REELD1: variants seen among roughly 807,000 people sequenced by gnomAD.
REELD1 encodes the protein reeler domain containing 1.
Under a neutral mutation model 6.3 loss-of-function variants are expected in REELD1, and 12 were observed. The observed-to-expected ratio is 1.89, with a 90% CI of 1.21 to 3.07. The LOEUF (loss-of-function observed/expected upper bound fraction) is 3.07, where lower values mean the gene tolerates loss of function less well. Among genes scored for constraint, REELD1 ranks in the 30% most tolerant of loss-of-function variants. The pLI, the probability that REELD1 is intolerant of heterozygous loss-of-function variation, is 0.00. For synonymous variants in REELD1, 57 were observed against 33.6 expected, an observed-to-expected ratio of 1.70 and a Z score of -2.42; for missense variants, 163 against 86.8, an observed-to-expected ratio of 1.88 and a Z score of -3.49.
chr4:146,223,204 G>A (rs1228513787), intron 4 of REELD1, among the ~76,000 whole-genome samples: 1 of 152,176 alleles, frequency 6.6e-6, no homozygotes, highest in Non-Finnish European at 1.5e-5. Flanking sequence ...AAGGGTGTGT[G>A]TTTCTGTTTC....
At chr4:146,227,606 C>T (rs575197931) in intron 5 of REELD1, among the ~76,000 whole-genome samples, 13 of 152,284 alleles carry the variant, frequency 8.5e-5, no homozygotes, top group East Asian at 3.9e-4. Context: ...AATTAGTGGA[C>T]GACTGAACCC....
At position 146,228,222 on chromosome 4, in the gene REELD1, C is replaced by T. The variant is rs1470459494; in HGVS notation, c.608C>T (p.Pro203Leu). The stretch of plus-strand genomic sequence containing the variant: ...GACCTCTGCTTAGCTCCCAGGACCC[C>T]CATCACTCTTCCACAGCAGCACACA... The part of the protein sequence containing the change: ...VEGAAPAPRT[P>L]ITLPQQHTHV... The change falls in exon 6 of 8, where the codon CCC becomes CTC. Residue 203 changes from proline to leucine, a missense_variant. Physicochemically the swap from Pro to Leu is moderately conservative, Grantham distance 98 (BLOSUM62 -3). Transcript: ENST00000623665. The T allele has an allele frequency of 2.8e-6, 2 of 702,130 alleles. No homozygotes were observed. The highest frequency in any genetic ancestry group is 1.7e-5 in the African/African-American group (1 of 57,378). The allele number at this position is 702,130 out of a possible 1,614,324, so 43.5% of individuals were successfully genotyped here.
chr4:146,219,779 C>T (rs28438609), intron 3 of REELD1, among the ~76,000 whole-genome samples: 15,612 of 152,156 alleles, frequency 0.1, 2,039 homozygotes, highest in African/African-American at 0.3. Flanking sequence ...TTTCTTGCAC[C>T]TCTTTTCAGA....
At chr4:146,227,116 T>C (rs759848369) in intron 5 of REELD1, among the ~76,000 whole-genome samples, 12 of 152,228 alleles carry the variant, frequency 7.9e-5, no homozygotes, top group Non-Finnish European at 1.5e-4. Flanking sequence ...CTTCCCAGTT[T>C]TGAGTTCAGG....
intron 5 of REELD1, 88 bp downstream of exon 5, chr4:146,224,696 T>G (rs1730989840): frequency 1.5e-6 from 1 of 665,970 alleles, no homozygotes; most frequent in African/African-American, 1.8e-5. Context: ...TACTGCCAGT[T>G]TCCTGTTCCT....
intron 4 of REELD1, among the ~76,000 whole-genome samples, chr4:146,223,129 A>T (rs1001110917): frequency 6.6e-6 from 1 of 152,226 alleles, no homozygotes; most frequent in African/African-American, 2.4e-5. Flanking sequence ...AAAATGAGGT[A>T]CTTGTTTTGT....
intron 5 of REELD1, 82 bp downstream of exon 5, chr4:146,224,690 G>A: frequency 6.0e-6 from 4 of 668,062 alleles, no homozygotes; most frequent in Non-Finnish European, 1.1e-5. Flanking sequence ...AGTTACTACT[G>A]CCAGTTTCCT....
chr4:146,216,521 T>A (rs1730828525), intron 2 of REELD1, among the ~76,000 whole-genome samples: 1 of 152,244 alleles, frequency 6.6e-6, no homozygotes, highest in Admixed American at 6.5e-5. Context: ...CATGCCATGC[T>A]GCCTGACCAT....
At position 146,228,433 on chromosome 4, in the gene REELD1, G is replaced by A. The variant is rs746377000; in HGVS notation, c.819G>A (p.Pro273=). 11 of 702,434 alleles carry A rather than the reference G, an allele frequency of 1.6e-5. No homozygotes were observed. Among genetic ancestry groups the A allele is most frequent in the South Asian group, 7.4e-5 (5 of 67,606 alleles). 43.5% of individuals were successfully genotyped at this position (702,434 alleles called of 1,614,324 possible). A position where few individuals can be genotyped will look rare whatever the true frequency, so the allele number is the denominator to read the frequency against. The change falls in exon 6 of 8, where the codon CCG becomes CCA. Residue 273 remains proline (P), a synonymous_variant. Transcript: ENST00000623665. ...PSGDSNPTLE[P]SLEVHRLERL... The stretch of plus-strand genomic sequence containing the variant: ...GGGACAGCAATCCCACCCTAGAGCC[G>A]TCCCTGGAGGTCCACAGGCTGGAGA...
intron 2 of REELD1, among the ~76,000 whole-genome samples, chr4:146,215,410 A>G (rs1263808510): frequency 6.6e-6 from 1 of 152,218 alleles, no homozygotes; most frequent in Non-Finnish European, 1.5e-5. Flanking sequence ...AACTTAGAAA[A>G]GAAAGGCATT....
chr4:146,228,116 C>A, intron 5 of REELD1, 94 bp from the exon 6 acceptor site: 1 of 636,702 alleles, frequency 1.6e-6, no homozygotes, highest in Non-Finnish European at 2.8e-6. Context: ...ATATTAGAGT[C>A]ACTGCTGTTT....
rs1019999687 is a variant in REELD1 at position 146,230,354 on chromosome 4, A to G, written c.1422A>G (p.Thr474=). Residue 474 remains threonine (T), a synonymous_variant, in exon 8 of 8, where the codon ACA becomes ACG. Coordinates refer to ENST00000623665, the MANE Select transcript of REELD1 (RefSeq NM_001354631.1). Reference sequence around the variant, plus strand: ...ACACCCAGTATTGCCACCAGCAGACAGAAGTGTCTTTCAGTGAGCCCGCTT... The same window carrying G: ...ACACCCAGTATTGCCACCAGCAGACGGAAGTGTCTTTCAGTGAGCCCGCTT... ...YLHTQYCHQQ[T]EVSFSEPASD... 3 of 398,706 alleles carry G rather than the reference A, an allele frequency of 7.5e-6. No individual in the cohort carries two copies. Among genetic ancestry groups the G allele is most frequent in the Middle Eastern group, 6.2e-4 (1 of 1,610 alleles). The allele number at this position is 398,706 out of a possible 1,614,324, so 24.7% of individuals were successfully genotyped here. A position where few individuals can be genotyped will look rare whatever the true frequency, so the allele number is the denominator to read the frequency against.
chr4:146,220,678 C>T (rs994915163), intron 3 of REELD1, among the ~76,000 whole-genome samples: 4 of 152,190 alleles, frequency 2.6e-5, no homozygotes, highest in Non-Finnish European at 4.4e-5. Flanking sequence ...AAAGGCCTTA[C>T]GTGAAAAGAT....
intron 4 of REELD1, among the ~76,000 whole-genome samples, chr4:146,223,503 A>C (rs1730960349): frequency 6.6e-6 from 1 of 152,236 alleles, no homozygotes; most frequent in South Asian, 2.1e-4. Flanking sequence ...GTTCTTACGC[A>C]GCGCAGAGGG....
intron 3 of REELD1, among the ~76,000 whole-genome samples, chr4:146,221,523 A>G (rs943697574): frequency 6.6e-6 from 1 of 152,238 alleles, no homozygotes; most frequent in Non-Finnish European, 1.5e-5. Context: ...ATTTGCTAAT[A>G]TGAAAGGTAT....
At position 146,229,966 on chromosome 4, in the gene REELD1, C is replaced by T; in HGVS notation, c.1034C>T (p.Thr345Ile). The stretch of plus-strand genomic sequence containing the variant: ...CCTCCTCTGTCCACCGTCCAGCTTA[C>T]CTATCCCCAGTGCCTCTGGTCCTCT... ...TQPPLSTVQL[T>I]YPQCLWSSET... The change falls in exon 8 of 8, where the codon ACC (threonine) becomes ATC (isoleucine). Residue 345 changes from threonine (T) to isoleucine (I), a missense_variant. Thr to Ile is a moderately conservative substitution (Grantham distance 89). Coordinates refer to ENST00000623665, the MANE Select transcript of REELD1 (RefSeq NM_001354631.1). 2.5e-6 allele frequency: 1 copy of T among 398,764 alleles called. No individual in the cohort carries two copies. The highest frequency in any genetic ancestry group is 4.4e-6 in the Non-Finnish European group (1 of 226,168). The allele number at this position is 398,764 out of a possible 1,614,324, so 24.7% of individuals were successfully genotyped here.
chr4:146,227,169 C>T (rs1046261352), intron 5 of REELD1, among the ~76,000 whole-genome samples: 2 of 152,236 alleles, frequency 1.3e-5, no homozygotes, highest in Non-Finnish European at 2.9e-5. Context: ...TCTCCAACAA[C>T]TATAACAATA....
chr4:146,217,143 C>T lies in REELD1; in HGVS notation c.191C>T (p.Pro64Leu). 2.5e-6 allele frequency: 1 copy of T among 399,692 alleles called. No individual in the cohort carries two copies. The highest frequency in any genetic ancestry group is 1.3e-4 in the South Asian group (1 of 7,860). The allele number at this position is 399,692 out of a possible 1,614,324, so 24.8% of individuals were successfully genotyped here. ...CACACCCACAGGACTTCCTATGCAC[C>T]AGGTGACAAGATTCCAGGTATGTAC... ...TIHTHRTSYA[P>L]GDKIPVTVRS... The change falls in exon 3 of 8, where the codon CCA becomes CTA. Residue 64 changes from proline to leucine, a missense_variant. Transcript: ENST00000623665.
rs576397314 is a variant in REELD1 at position 146,220,918 on chromosome 4, C to T, written c.209-1439C>T. Among the ~76,000 whole-genome samples, 28 of 152,298 alleles carry T rather than the reference C, an allele frequency of 1.8e-4. No homozygotes were observed. The South Asian group carries it at 5.0e-3, about 27-fold the overall frequency. ...ATCTGTTCTGCTAGCAGGGAATAAG[C>T]GGACAATCGCTGTTGGGTATTGGAC... On this transcript the variant is annotated intron_variant, in intron 3 of 7. Coordinates refer to ENST00000623665, the MANE Select transcript of REELD1 (RefSeq NM_001354631.1).
Sources: allele counts gnomAD v4.1 joint callset (sites outside exome capture counted in the v4.1 genomes callset), GRCh38; gene constraint gnomAD v4.1.1; transcripts MANE v1.5; gene names NCBI Gene and HGNC (gene_info 2026-07-23, HGNC 2026-07-21).